Variants in RIC8B observed in about 807,000 individuals in gnomAD.
The protein encoded by RIC8B is RIC8 guanine nucleotide exchange factor B, also known as chaperone Ric-8B.
In RIC8B, 16 loss-of-function variants were observed where a neutral mutation model predicts 57.5. The ratio of observed to expected loss-of-function variants is 0.28; its 90% confidence interval spans 0.19 to 0.42. RIC8B has a LOEUF of 0.42. Ranked by LOEUF, RIC8B falls within the 10% of genes least tolerant of loss-of-function variation. The probability of loss-of-function intolerance (pLI) is 1.00; values close to 1 mark genes in which losing one functional copy is unlikely to be tolerated. For synonymous variants in RIC8B, 216 were observed against 250.8 expected, an observed-to-expected ratio of 0.86 and a Z score of 1.31; for missense variants, 481 against 677.0, an observed-to-expected ratio of 0.71 and a Z score of 3.21.
intron 5 of RIC8B, among the ~76,000 whole-genome samples, chr12:106,843,102 G>A (rs1295469520): frequency 6.6e-6 from 1 of 152,058 alleles, no homozygotes; most frequent in Non-Finnish European, 1.5e-5. Flanking sequence ...GTTCCATTTT[G>A]TTACTTTGTG....
At chr12:106,791,958 G>T (rs550661793) in intron 2 of RIC8B, among the ~76,000 whole-genome samples, 30 of 152,082 alleles carry the variant, frequency 2.0e-4, no homozygotes, top group Non-Finnish European at 3.8e-4. Flanking sequence ...TCACACTCCA[G>T]TTTTTACTAA....
chr12:106,848,585 TG>T (rs1286581358), intron 6 of RIC8B, among the ~76,000 whole-genome samples: 1 of 152,070 alleles, frequency 6.6e-6, no homozygotes, highest in Non-Finnish European at 1.5e-5. Flanking sequence ...GAGAAGTGGT[TG>T]GATTGTGGGT....
intron 4 of RIC8B, among the ~76,000 whole-genome samples, chr12:106,832,574 A>T (rs1214016033): frequency 1.3e-5 from 2 of 151,842 alleles, no homozygotes; most frequent in African/African-American, 4.8e-5. Context: ...ATGAAAAAAA[A>T]AAAAAAATTT....
At chr12:106,779,349 A>G (rs927961474) in intron 1 of RIC8B, among the ~76,000 whole-genome samples, 3 of 151,486 alleles carry the variant, frequency 2.0e-5, no homozygotes, top group Admixed American at 6.6e-5. Context: ...CTCCTGCCTC[A>G]GCTTCCTGAG....
Position 106,870,707 on chromosome 12 carries a change from T to C in RIC8B, c.1452-116T>C, listed in dbSNP as rs373507840. 86 of 712,308 alleles carry C rather than the reference T, an allele frequency of 1.2e-4. No homozygotes were observed. The East Asian group carries it at 2.2e-3, about 19-fold the overall frequency. 44.1% of individuals were successfully genotyped at this position (712,308 alleles called of 1,614,324 possible). On this transcript the variant is annotated intron_variant, in intron 8 of 9. Coordinates refer to ENST00000392837, the MANE Select transcript of RIC8B (RefSeq NM_001330145.2). Reference sequence around the variant, plus strand: ...GTTCTATACCATAAAATTGAAATTATTGCCAATTTTTTGGCTATTATACTC... The same window carrying C: ...GTTCTATACCATAAAATTGAAATTACTGCCAATTTTTTGGCTATTATACTC...
chr12:106,782,417 T>C (rs2043807553), intron 1 of RIC8B, among the ~76,000 whole-genome samples: 1 of 152,206 alleles, frequency 6.6e-6, no homozygotes, highest in Non-Finnish European at 1.5e-5. Flanking sequence ...CATGCCTGGA[T>C]TATTGATGTC....
At chr12:106,853,622 A>G (rs932763492) in intron 7 of RIC8B, among the ~76,000 whole-genome samples, 3 of 151,530 alleles carry the variant, frequency 2.0e-5, no homozygotes, top group African/African-American at 7.3e-5. Flanking sequence ...GCACATGCCA[A>G]CATGCCTGGC....
intron 9 of RIC8B, among the ~76,000 whole-genome samples, chr12:106,885,232 C>T (rs919139562): frequency 6.6e-6 from 1 of 152,082 alleles, no homozygotes; most frequent in African/African-American, 2.4e-5. Context: ...GCGGCAGTTG[C>T]GGAGCTTTGA....
chr12:106,797,814 G>A (rs559131401), intron 2 of RIC8B, among the ~76,000 whole-genome samples: 29 of 152,276 alleles, frequency 1.9e-4, no homozygotes, highest in Middle Eastern at 3.4e-3. Context: ...ACAAAGGCAC[G>A]CAGAGAAATT....
chr12:106,833,346 A>G (rs540388338), intron 4 of RIC8B, among the ~76,000 whole-genome samples: 1 of 152,298 alleles, frequency 6.6e-6, no homozygotes, highest in South Asian at 2.1e-4. Context: ...TCACGCCTGT[A>G]ATCCCAGCAC....
intron 2 of RIC8B, among the ~76,000 whole-genome samples, chr12:106,785,838 T>C (rs1448566289): frequency 6.6e-6 from 1 of 150,640 alleles, no homozygotes; most frequent in Non-Finnish European, 1.5e-5. Context: ...TGTGTGTGTG[T>C]GTGTGTGTGT....
rs748066648 is a variant in RIC8B, at chr12:106,886,023, AC to A, written c.*10del. The A allele has an allele frequency of 3.2e-5, 49 of 1,551,636 alleles. No individual in the cohort carries two copies. Among genetic ancestry groups the A allele is most frequent in the Admixed American group, 1.8e-4 (11 of 59,826 alleles). On this transcript the variant is annotated 3_prime_UTR_variant, in exon 10 of 10. Coordinates refer to ENST00000392837, the MANE Select transcript of RIC8B (RefSeq NM_001330145.2). ...AGCTCTGACACAGACTAAAAGCATC[AC>A]CTGCTCAACTCTCAATATTGCTTTA...
chr12:106,851,419 T>C (rs779726582), intron 6 of RIC8B, 31 bp from the exon 7 acceptor site: 1 of 1,602,028 alleles, frequency 6.2e-7, no homozygotes, highest in Admixed American at 1.7e-5. Context: ...GTAGCCTCGA[T>C]TGATGATGGT....
intron 2 of RIC8B, among the ~76,000 whole-genome samples, chr12:106,802,509 A>G (rs2044778117): frequency 7.7e-6 from 1 of 130,600 alleles, no homozygotes; most frequent in South Asian, 2.5e-4. Context: ...AGGGATAGGT[A>G]TTTCACTGCC....
chr12:106,849,792 T>TA (rs769856902), intron 6 of RIC8B, among the ~76,000 whole-genome samples: 3 of 152,196 alleles, frequency 2.0e-5, no homozygotes, highest in Admixed American at 1.3e-4. Context: ...ATAATTATCT[T>TA]AAAAAAATGA....
chr12:106,859,779 T>A (rs1425477316), intron 7 of RIC8B, among the ~76,000 whole-genome samples: 1 of 152,160 alleles, frequency 6.6e-6, no homozygotes, highest in Admixed American at 6.5e-5. Context: ...TCACCTATGC[T>A]ATTTGCTAAT....
intron 1 of RIC8B, among the ~76,000 whole-genome samples, chr12:106,780,089 A>C (rs1261559371): frequency 2.0e-5 from 3 of 152,094 alleles, no homozygotes; most frequent in Non-Finnish European, 4.4e-5. Context: ...AACTGTGACT[A>C]AGGGCCCTGA....
chr12:106,823,426 G>A (rs774441075), intron 3 of RIC8B: 1 of 456,160 alleles, frequency 2.2e-6, no homozygotes, highest in East Asian at 6.9e-5. Flanking sequence ...CTTGGGAGTT[G>A]ATGTTATCAA....
At chr12:106,844,001 A>C in intron 6 of RIC8B, 54 bp downstream of exon 6, 1 of 1,181,666 alleles carries the variant, frequency 8.5e-7, no homozygotes, top group Non-Finnish European at 1.3e-6. Flanking sequence ...TGTGCATTTT[A>C]AACATAGAAT....
Sources: gnomAD v4.1 joint callset for allele counts (sites outside exome capture counted in the v4.1 genomes callset) on GRCh38, gnomAD v4.1.1 for gene constraint, MANE v1.5 for transcripts, NCBI Gene and HGNC (gene_info 2026-07-23, HGNC 2026-07-21) for gene names.